The following NSG2 variants were observed in gnomAD, a reference collection of about 807,000 sequenced individuals.
NSG2 encodes the protein neuronal vesicle trafficking-associated protein 2.
A neutral mutation model predicts 16.9 loss-of-function variants in NSG2; 4 were observed. The observed-to-expected ratio is 0.24, with a 90% CI of 0.12 to 0.54. The LOEUF (loss-of-function observed/expected upper bound fraction) is 0.54. NSG2 is among the 20% of genes least tolerant of loss of function. NSG2 has a pLI of 0.95. For synonymous variants in NSG2, 98 were observed against 88.7 expected, an observed-to-expected ratio of 1.11 and a Z score of -0.59; for missense variants, 179 against 221.1, an observed-to-expected ratio of 0.81 and a Z score of 1.21.
intron 2 of NSG2, among the ~76,000 whole-genome samples, chr5:174,049,128 A>G (rs925307891): frequency 2.0e-5 from 3 of 152,074 alleles, no homozygotes; most frequent in Non-Finnish European, 4.4e-5. Flanking sequence ...TCACAAGGTC[A>G]GGAGATCGAG....
intron 2 of NSG2, among the ~76,000 whole-genome samples, chr5:174,051,999 G>A (rs988474544): frequency 1.3e-5 from 2 of 152,074 alleles, no homozygotes; most frequent in African/African-American, 4.8e-5. Context: ...TTTTTCAAAA[G>A]GTATTTAAAG....
chr5:174,096,164 C>T (rs1354124132), intron 3 of NSG2, among the ~76,000 whole-genome samples: 3 of 152,236 alleles, frequency 2.0e-5, no homozygotes, highest in African/African-American at 7.2e-5. Flanking sequence ...CTGGCACAAT[C>T]AGTGCCTAGT....
chr5:174,085,085 G>A (rs1249747552), intron 3 of NSG2, among the ~76,000 whole-genome samples: 1 of 152,224 alleles, frequency 6.6e-6, no homozygotes, highest in African/African-American at 2.4e-5. Flanking sequence ...AAATTAAGCA[G>A]TGCAGCCAGG....
In NSG2 at chr5:174,066,850, C is replaced by T. The variant is rs971396493; in HGVS notation, c.213+2535C>T. Among the ~76,000 whole-genome samples, 6 of 151,336 alleles carry T rather than the reference C, an allele frequency of 4.0e-5. No individual in the cohort carries two copies. The South Asian group carries it at 8.4e-4, about 21-fold the overall frequency. On this transcript the variant is annotated intron_variant, in intron 3 of 4. Coordinates refer to ENST00000303177, the MANE Select transcript of NSG2 (RefSeq NM_015980.5). Reference sequence around the variant, plus strand: ...CTAAAAATACAAAAAATTAGCCGGGCGTAGTGGCGGGCGCCTGTAGTCCCA... The same window carrying T: ...CTAAAAATACAAAAAATTAGCCGGGTGTAGTGGCGGGCGCCTGTAGTCCCA...
chr5:174,073,195 A>G (rs1034564795), intron 3 of NSG2, among the ~76,000 whole-genome samples: 5 of 152,192 alleles, frequency 3.3e-5, no homozygotes, highest in Admixed American at 6.5e-5. Flanking sequence ...CCACATTCTT[A>G]AGAAGTTAGA....
At chr5:174,056,580 T>C (rs1164154489) in intron 2 of NSG2, 2 of 152,212 alleles carry the variant, frequency 1.3e-5, no homozygotes, top group Non-Finnish European at 2.9e-5. Flanking sequence ...ATTATGAGAA[T>C]TGAATGAGTC....
Position 174,080,576 on chromosome 5 carries a change from CT to C in NSG2, c.213+16264del, listed in dbSNP as rs1429909493. ...TTCTTTTCTTTCTTTTCTTTCTTTT[CT>C]TTCTTGACAGAGTCTGTTCTGTCGT... is the stretch of plus-strand genomic sequence containing the variant. On this transcript the variant is annotated intron_variant, in intron 3 of 4. Coordinates refer to ENST00000303177, the MANE Select transcript of NSG2 (RefSeq NM_015980.5). Among the ~76,000 whole-genome samples, 3 of 100,698 alleles carry C rather than the reference CT, an allele frequency of 3.0e-5. No individual in the cohort carries two copies. The South Asian group carries it at 9.0e-4, about 30-fold the overall frequency. The allele number at this position is 100,698 out of a possible 152,430, so 66.1% of individuals were successfully genotyped here.
At chr5:174,080,426 A>G (rs982620617) in intron 3 of NSG2, among the ~76,000 whole-genome samples, 1 of 151,526 alleles carries the variant, frequency 6.6e-6, no homozygotes, top group Non-Finnish European at 1.5e-5. Context: ...AAATTTATAG[A>G]TTTCAATTTG....
intron 3 of NSG2, among the ~76,000 whole-genome samples, chr5:174,065,327 CA>C (rs144603912): frequency 2.4e-3 from 288 of 120,342 alleles, no homozygotes; most frequent in Admixed American, 2.6e-3. Context: ...GACTCCGTCT[CA>C]AAAAAAAAAA....
intron 2 of NSG2, among the ~76,000 whole-genome samples, chr5:174,057,236 GCT>G (rs753471048): frequency 2.1e-4 from 32 of 152,226 alleles, no homozygotes; most frequent in Admixed American, 1.2e-3. Flanking sequence ...GGCGCTCAGG[GCT>G]CTGTTTTGCT....
rs1376358083 is a variant in NSG2 at position 174,107,106 on chromosome 5, C to T, written c.325-208C>T. Among the ~76,000 whole-genome samples the T allele has an allele frequency of 6.6e-6, 1 of 152,072 alleles. No homozygotes were observed. Among genetic ancestry groups the T allele is most frequent in the African/African-American group, 2.4e-5 (1 of 41,422 alleles). On this transcript the variant is annotated intron_variant, in intron 4 of 4. Coordinates refer to ENST00000303177, the MANE Select transcript of NSG2 (RefSeq NM_015980.5). This position sits in a 1 kb window ranked among gnomAD's most constrained non-coding sequence, Gnocchi z 4.5. ...ATCAGTGTCAATATCAGGTTCAGGT[C>T]GTCTGGCTTCTTCTAAGTGGAGCTT...
At position 174,102,204 on chromosome 5, in the gene NSG2, C is replaced by T. The variant is rs527433596; in HGVS notation, c.214-2024C>T. Among the ~76,000 whole-genome samples the T allele has an allele frequency of 4.5e-4, 68 of 152,272 alleles. 1 individual carries two copies. Among genetic ancestry groups the T allele is most frequent in the South Asian group, 4.4e-3 (21 of 4,818 alleles). On this transcript the variant is annotated intron_variant, in intron 3 of 4. Transcript: ENST00000303177. ...CCATGAGATTTGGACAGAATCCTCC[C>T]GACATCCATCTTCCTCTTTTCCTTT...
chr5:174,093,059 G>A (rs1305139073), intron 3 of NSG2, among the ~76,000 whole-genome samples: 1 of 152,074 alleles, frequency 6.6e-6, no homozygotes, highest in Non-Finnish European at 1.5e-5. Context: ...AGGTTTATAG[G>A]CAGTCTAACA....
intron 3 of NSG2, among the ~76,000 whole-genome samples, chr5:174,078,454 T>A (rs1760385922): frequency 6.6e-6 from 1 of 152,226 alleles, no homozygotes; most frequent in African/African-American, 2.4e-5. Context: ...CTGTTAATGG[T>A]TGTAGACAGA....
chr5:174,049,582 T>A (rs1334949675), intron 2 of NSG2, among the ~76,000 whole-genome samples: 2 of 152,138 alleles, frequency 1.3e-5, no homozygotes, highest in African/African-American at 4.8e-5. Flanking sequence ...GGTAAAGTAG[T>A]TCCCCATAGC....
chr5:174,095,032 G>T (rs1291316021), intron 3 of NSG2, among the ~76,000 whole-genome samples: 2 of 152,222 alleles, frequency 1.3e-5, no homozygotes, highest in Non-Finnish European at 2.9e-5. Context: ...CTAGGCAAAG[G>T]AAGGCTTCTC....
At chr5:174,099,243 C>T (rs1760861442) in intron 3 of NSG2, among the ~76,000 whole-genome samples, 2 of 152,168 alleles carry the variant, frequency 1.3e-5, no homozygotes, top group South Asian at 2.1e-4. Context: ...CCAGCTCCCG[C>T]CCCACCCCAG....
chr5:174,090,702 G>C (rs1445721394), intron 3 of NSG2, among the ~76,000 whole-genome samples: 1 of 152,182 alleles, frequency 6.6e-6, no homozygotes, highest in Non-Finnish European at 1.5e-5. Context: ...ATTTGTTCAG[G>C]GCAGTGGGGT....
intron 3 of NSG2, among the ~76,000 whole-genome samples, chr5:174,098,301 G>A (rs538870207): frequency 1.3e-5 from 2 of 152,290 alleles, no homozygotes; most frequent in African/African-American, 4.8e-5. Context: ...GGTGCAGGCT[G>A]AGCAAAGATG....
Sources: gnomAD v4.1 joint callset for allele counts (sites outside exome capture counted in the v4.1 genomes callset) on GRCh38, gnomAD v4.1.1 for gene constraint, Gnocchi (gnomAD v3.1) non-coding constraint, MANE v1.5 for transcripts, NCBI Gene and HGNC (gene_info 2026-07-23, HGNC 2026-07-21) for gene names.